Variants in TAFA1 observed in about 807,000 individuals in gnomAD.
TAFA1 encodes chemokine-like protein TAFA-1.
In TAFA1, 4 loss-of-function variants were observed where a neutral mutation model predicts 18.5. The ratio of observed to expected loss-of-function variants is 0.22; its 90% CI spans 0.11 to 0.49. TAFA1 has a LOEUF of 0.49. Ranked by LOEUF, TAFA1 falls within the 20% of genes least tolerant of loss-of-function variation. TAFA1 has a pLI of 0.98. For synonymous variants in TAFA1, 56 were observed against 55.2 expected, an observed-to-expected ratio of 1.01 and a Z score of -0.06; for missense variants, 147 against 169.0, an observed-to-expected ratio of 0.87 and a Z score of 0.72.
At position 68,544,646 on chromosome 3, in the gene TAFA1, G is replaced by C. The variant is rs1455194683; in HGVS notation, c.*143G>C. The C allele has an allele frequency of 1.3e-6, 1 of 799,528 alleles. No homozygotes were observed. Among genetic ancestry groups the C allele is most frequent in the Non-Finnish European group, 2.0e-6 (1 of 488,512 alleles). The allele number at this position is 799,528 out of a possible 1,614,324, so 49.5% of individuals were successfully genotyped here. On this transcript the variant is annotated 3_prime_UTR_variant, in exon 5 of 5. Coordinates refer to ENST00000478136, the MANE Select transcript of TAFA1 (RefSeq NM_213609.4). ...ACCAGATAATCACAGTGCGTTTACT[G>C]TGTGTAACGAAATATCCTACAGTGA...
chr3:68,429,111 A>T (rs2071114798), intron 3 of TAFA1, among the ~76,000 whole-genome samples: 1 of 151,936 alleles, frequency 6.6e-6, no homozygotes, highest in African/African-American at 2.4e-5. Context: ...GCTCTTTCTC[A>T]TGGGAGATGT....
chr3:68,522,791 G>A (rs2073047692), intron 3 of TAFA1, among the ~76,000 whole-genome samples: 1 of 151,772 alleles, frequency 6.6e-6, no homozygotes, highest in South Asian at 2.1e-4. Context: ...GGAGTTTGCA[G>A]TAAGCCGAGA....
At chr3:68,152,470 A>C (rs528199626) in intron 2 of TAFA1, among the ~76,000 whole-genome samples, 2 of 152,314 alleles carry the variant, frequency 1.3e-5, no homozygotes, top group South Asian at 2.1e-4. Flanking sequence ...CAATTTTGAC[A>C]GTCCAAAGTC....
At chr3:68,445,707 T>C (rs1338958695) in intron 3 of TAFA1, among the ~76,000 whole-genome samples, 1 of 152,130 alleles carries the variant, frequency 6.6e-6, no homozygotes, top group Non-Finnish European at 1.5e-5. Context: ...AAACAGATGA[T>C]TGGGCCTCAT....
At chr3:68,446,814 A>G (rs1476765185) in intron 3 of TAFA1, among the ~76,000 whole-genome samples, 7 of 152,212 alleles carry the variant, frequency 4.6e-5, no homozygotes, top group Admixed American at 1.3e-4. Context: ...CAAAGTGTCT[A>G]TGGCATAGAA....
intron 2 of TAFA1, among the ~76,000 whole-genome samples, chr3:68,224,323 T>C (rs2066769951): frequency 6.6e-6 from 1 of 152,138 alleles, no homozygotes; most frequent in Non-Finnish European, 1.5e-5. Context: ...CTGATTTAGC[T>C]TTTCTTCAAG....
In TAFA1 at chr3:68,381,085, T is replaced by TAC. The variant is rs1397625388; in HGVS notation, c.119-36195_119-36194insAC. Among the ~76,000 whole-genome samples the TAC allele has an allele frequency of 1.3e-4, 5 of 37,282 alleles. 1 individual carries two copies. The East Asian group carries it at 0.013, about 96-fold the overall frequency. The allele number at this position is 37,282 out of a possible 152,430, so 24.5% of individuals were successfully genotyped here. On this transcript the variant is annotated intron_variant, in intron 2 of 4. Transcript: ENST00000478136. The stretch of plus-strand genomic sequence containing the variant: ...GTCAAAGACCAGATAGTTGTAGACG[T>TAC]GTGGCATTATTTCTGAGGGCTCTGT...
rs547569127 is a variant in TAFA1 at position 68,130,851 on chromosome 3, C to T, written c.118+124107C>T. On this transcript the variant is annotated intron_variant, in intron 2 of 4. Transcript: ENST00000478136. The stretch of plus-strand genomic sequence containing the variant: ...CACCTTTGCTCAAATATTACCTTTC[C>T]GTTAGCTACCTCCCTGTCCTCCCTG... Among the ~76,000 whole-genome samples the T allele has an allele frequency of 5.3e-5, 8 of 152,258 alleles. No homozygotes were observed. The East Asian group carries it at 1.4e-3, about 26-fold the overall frequency.
intron 2 of TAFA1, among the ~76,000 whole-genome samples, chr3:68,044,822 T>C (rs560276599): frequency 6.6e-6 from 1 of 152,336 alleles, no homozygotes; most frequent in South Asian, 2.1e-4. Flanking sequence ...GGAATGATAA[T>C]ACTGTTGTTG....
rs531951065 is a variant in TAFA1 at position 68,012,487 on chromosome 3, G to A, written c.118+5743G>A. Among the ~76,000 whole-genome samples the A allele has an allele frequency of 8.5e-5, 13 of 152,174 alleles. No individual in the cohort carries two copies. The East Asian group carries it at 2.3e-3, about 27-fold the overall frequency. On this transcript the variant is annotated intron_variant, in intron 2 of 4. Transcript: ENST00000478136. ...TACATTGCTGAGTGGAGAAAACAAGGAACAGAATACTCTGCTTCAAAATAA... is the reference window on the plus strand; with the variant it reads ...TACATTGCTGAGTGGAGAAAACAAGAAACAGAATACTCTGCTTCAAAATAA...
At position 68,200,257 on chromosome 3, in the gene TAFA1, G is replaced by A. The variant is rs146361791; in HGVS notation, c.118+193513G>A. On this transcript the variant is annotated intron_variant, in intron 2 of 4. Transcript: ENST00000478136. ...GGATAATTTCTTGTTGAGGATTTTT[G>A]CCTCTAAGTTCATGAGAGATATTGG... 1.5e-4 allele frequency among the ~76,000 whole-genome samples: 22 copies of A among 151,548 alleles called. 1 individual carries two copies. The East Asian group carries it at 4.3e-3, about 30-fold the overall frequency.
At chr3:68,176,284 C>A (rs2066124730) in intron 2 of TAFA1, among the ~76,000 whole-genome samples, 1 of 152,146 alleles carries the variant, frequency 6.6e-6, no homozygotes, top group African/African-American at 2.4e-5. Context: ...GAGTTTGAGA[C>A]AAGCCTGGGC....
chr3:68,541,404 A>G (rs950765778), intron 4 of TAFA1, among the ~76,000 whole-genome samples: 6 of 152,186 alleles, frequency 3.9e-5, no homozygotes, highest in Non-Finnish European at 5.9e-5. Context: ...TCTGCTCTGA[A>G]AATATGTTCT....
intron 2 of TAFA1, among the ~76,000 whole-genome samples, chr3:68,092,801 C>T (rs2065044652): frequency 6.6e-6 from 1 of 152,108 alleles, no homozygotes; most frequent in South Asian, 2.1e-4. Context: ...CAGCAGCCCC[C>T]ATGTGCATAC....
At chr3:68,235,637 G>A (rs1262586936) in intron 2 of TAFA1, among the ~76,000 whole-genome samples, 1 of 152,048 alleles carries the variant, frequency 6.6e-6, no homozygotes, top group African/African-American at 2.4e-5. Context: ...TCTGGTTGGT[G>A]CTTATCCTAC....
At chr3:68,101,480 A>G (rs192482566) in intron 2 of TAFA1, among the ~76,000 whole-genome samples, 9 of 152,244 alleles carry the variant, frequency 5.9e-5, no homozygotes, top group Non-Finnish European at 1.2e-4. Flanking sequence ...TGGCACACAT[A>G]TACCATGGAA....
chr3:68,208,710 G>C (rs1344043738), intron 2 of TAFA1, among the ~76,000 whole-genome samples: 1 of 151,922 alleles, frequency 6.6e-6, no homozygotes, highest in Admixed American at 6.6e-5. Context: ...GAAAAAAAAG[G>C]ACCAAGCCAG....
intron 2 of TAFA1, among the ~76,000 whole-genome samples, chr3:68,075,309 A>G (rs1016000983): frequency 2.6e-5 from 4 of 152,122 alleles, no homozygotes; most frequent in African/African-American, 9.7e-5. Flanking sequence ...CTAATAGACT[A>G]TTTGTGACCT....
At chr3:68,196,052 C>T (rs1325609642) in intron 2 of TAFA1, among the ~76,000 whole-genome samples, 1 of 151,708 alleles carries the variant, frequency 6.6e-6, no homozygotes, top group Non-Finnish European at 1.5e-5. Flanking sequence ...AAATGGGCCA[C>T]AGATCACAAA....
Sources: gnomAD v4.1 joint callset for allele counts (sites outside exome capture counted in the v4.1 genomes callset) on GRCh38, gnomAD v4.1.1 for gene constraint, MANE v1.5 for transcripts, NCBI Gene and HGNC (gene_info 2026-07-23, HGNC 2026-07-21) for gene names.